Variants in PBX1 observed in about 807,000 individuals in gnomAD.
PBX1 encodes pre-B-cell leukemia transcription factor 1.
PBX1 carries 6 observed loss-of-function variants against 53.4 expected under a neutral mutation model. That is an observed-to-expected ratio of 0.11 (90% confidence interval 0.06 to 0.22). The LOEUF is 0.22. Among genes scored for constraint, PBX1 ranks in the 10% least tolerant of loss-of-function variants. The probability of loss-of-function intolerance (pLI) is 1.00; values close to 1 mark genes in which losing one functional copy is unlikely to be tolerated. For synonymous variants in PBX1, 204 were observed against 212.3 expected, an observed-to-expected ratio of 0.96 and a Z score of 0.34; for missense variants, 251 against 551.4, an observed-to-expected ratio of 0.46 and a Z score of 5.46.
rs1671769199 is a variant in PBX1, at chr1:164,850,319, A to G, written c.*3643A>G. 1 of 214,008 alleles carries G rather than the reference A, an allele frequency of 4.7e-6. No individual in the cohort carries two copies. Among genetic ancestry groups the G allele is most frequent in the Admixed American group, 5.9e-5 (1 of 17,072 alleles). The allele number at this position is 214,008 out of a possible 1,614,324, so 13.3% of individuals were successfully genotyped here. ...TCTTGTTTCACAATGTTTAAAAGTG[A>G]CAGTAATTCATTTTGTAAACTAAAA... On this transcript the variant is annotated 3_prime_UTR_variant, in exon 9 of 9. Transcript: ENST00000420696.
At chr1:164,613,643 A>G (rs903501771) in intron 2 of PBX1, among the ~76,000 whole-genome samples, 3 of 152,224 alleles carry the variant, frequency 2.0e-5, no homozygotes, top group East Asian at 1.9e-4. Context: ...AACACCAGCA[A>G]TTAGTACAGT....
At chr1:164,576,853 C>A (rs1358622477) in intron 2 of PBX1, 1 of 152,278 alleles carries the variant, frequency 6.6e-6, no homozygotes, top group African/African-American at 2.4e-5. Context: ...CCCAGGGAGC[C>A]GGGCCTAGGG....
At chr1:164,622,691 T>C (rs983448310) in intron 2 of PBX1, among the ~76,000 whole-genome samples, 14 of 152,164 alleles carry the variant, frequency 9.2e-5, no homozygotes, top group Non-Finnish European at 4.4e-5. Context: ...TAGAAACACT[T>C]CTATGAAATA....
At chr1:164,624,157 T>C (rs756725679) in intron 2 of PBX1, among the ~76,000 whole-genome samples, 1 of 152,200 alleles carries the variant, frequency 6.6e-6, no homozygotes, top group Non-Finnish European at 1.5e-5. Context: ...AAGCAATTGC[T>C]ACTGTTGCCA....
intron 2 of PBX1, among the ~76,000 whole-genome samples, chr1:164,882,746 G>A (rs1195758535): frequency 6.6e-6 from 1 of 152,112 alleles, no homozygotes. Flanking sequence ...AGCCTCTGAT[G>A]TAATTATAAT....
intron 7 of PBX1, among the ~76,000 whole-genome samples, chr1:164,820,418 A>G (rs1268713092): frequency 1.3e-5 from 2 of 152,222 alleles, no homozygotes; most frequent in Non-Finnish European, 2.9e-5. Flanking sequence ...GGAGAAGAAC[A>G]GTAAGCACAG....
chr1:164,849,164 CAAG>C lies in PBX1; in HGVS notation c.*2493_*2495del. 1 of 1,400,268 alleles carries C rather than the reference CAAG, an allele frequency of 7.1e-7. No homozygotes were observed. Among genetic ancestry groups the C allele is most frequent in the Non-Finnish European group, 9.3e-7 (1 of 1,077,338 alleles). 86.7% of individuals were successfully genotyped at this position (1,400,268 alleles called of 1,614,324 possible). On this transcript the variant is annotated 3_prime_UTR_variant, in exon 9 of 9. Transcript: ENST00000420696. Reference sequence around the variant, plus strand: ...AGAGACAAAAGGGTTCTCTTGGAAACAAGAAGAGTGACTCCAGATGTGGCCTGA... The same window carrying C: ...AGAGACAAAAGGGTTCTCTTGGAAACAAGAGTGACTCCAGATGTGGCCTGA...
At chr1:164,707,918 A>G (rs1375366825) in intron 2 of PBX1, among the ~76,000 whole-genome samples, 4 of 152,244 alleles carry the variant, frequency 2.6e-5, no homozygotes, top group Non-Finnish European at 5.9e-5. Flanking sequence ...AGGCAAGAGC[A>G]TTGGCAGAGC....
At chr1:164,663,228 GCCTT>G (rs930150678) in intron 2 of PBX1, among the ~76,000 whole-genome samples, 26 of 119,140 alleles carry the variant, frequency 2.2e-4, no homozygotes, top group African/African-American at 6.0e-4. Flanking sequence ...CTGCCTTCCT[GCCTT>G]CCTTCCTTCC....
intron 2 of PBX1, among the ~76,000 whole-genome samples, chr1:164,885,957 A>G (rs935375013): frequency 5.9e-5 from 9 of 152,112 alleles, no homozygotes; most frequent in Admixed American, 4.6e-4. Context: ...TGTATGCTCT[A>G]TAAGGGCAGG....
intron 2 of PBX1, among the ~76,000 whole-genome samples, chr1:164,654,128 G>T (rs893304386): frequency 1.3e-5 from 2 of 152,188 alleles, no homozygotes; most frequent in Admixed American, 1.3e-4. Context: ...TGCATTGGGG[G>T]TAGGGTGTCT....
chr1:164,666,530 T>C (rs1374574486), intron 2 of PBX1, among the ~76,000 whole-genome samples: 1 of 152,172 alleles, frequency 6.6e-6, no homozygotes, highest in Non-Finnish European at 1.5e-5. Context: ...TAACAGATTC[T>C]GGCTGATGGA....
intron 2 of PBX1, among the ~76,000 whole-genome samples, chr1:164,754,093 C>T (rs1666372845): frequency 6.6e-6 from 1 of 152,096 alleles, no homozygotes; most frequent in Non-Finnish European, 1.5e-5. Context: ...AGGTGGGGGA[C>T]TTAGAGCCTG....
At chr1:164,588,832 C>T (rs781657150) in intron 2 of PBX1, among the ~76,000 whole-genome samples, 4 of 152,126 alleles carry the variant, frequency 2.6e-5, no homozygotes, top group Non-Finnish European at 5.9e-5. Context: ...TTTATCCCTC[C>T]GCCCCCACCA....
chr1:164,703,843 T>C (rs997085975), intron 2 of PBX1, among the ~76,000 whole-genome samples: 2 of 152,152 alleles, frequency 1.3e-5, no homozygotes, highest in African/African-American at 4.8e-5. Context: ...ATTGCACCCA[T>C]GAGAACCGAA....
chr1:164,750,694 T>C (rs1666163973), intron 2 of PBX1, among the ~76,000 whole-genome samples: 1 of 152,154 alleles, frequency 6.6e-6, no homozygotes. Context: ...TTTCAGTGGG[T>C]TCTTTTTAAA....
intron 2 of PBX1, among the ~76,000 whole-genome samples, chr1:164,616,382 G>A (rs1054184443): frequency 2.6e-5 from 4 of 152,142 alleles, no homozygotes; most frequent in African/African-American, 4.8e-5. Context: ...TCCGTTTACT[G>A]ATCTATATAT....
chr1:164,784,722 T>A (rs116334038), intron 2 of PBX1, among the ~76,000 whole-genome samples: 1,795 of 152,306 alleles, frequency 0.012, 34 homozygotes, highest in African/African-American at 0.041. Context: ...ATTTGGAAAG[T>A]CAGCACGGTG....
At chr1:164,691,162 G>C (rs1662457056) in intron 2 of PBX1, among the ~76,000 whole-genome samples, 1 of 151,778 alleles carries the variant, frequency 6.6e-6, no homozygotes, top group African/African-American at 2.4e-5. Flanking sequence ...TTACAGGCAT[G>C]CACCACCATG....
Sources: gnomAD v4.1 joint callset for allele counts (sites outside exome capture counted in the v4.1 genomes callset) on GRCh38, gnomAD v4.1.1 for gene constraint, MANE v1.5 for transcripts, NCBI Gene and HGNC (gene_info 2026-07-23, HGNC 2026-07-21) for gene names.